The following NUP205 variants were observed in gnomAD, a reference collection of about 807,000 sequenced individuals.
NUP205 encodes nucleoporin 205.
A neutral mutation model predicts 253.8 loss-of-function variants in NUP205; 76 were observed. The ratio of observed to expected loss-of-function variants is 0.30; its 90% confidence interval spans 0.25 to 0.36. NUP205 has a LOEUF of 0.36. NUP205 is among the 10% of genes least tolerant of loss of function. The pLI, the probability that NUP205 is intolerant of heterozygous loss-of-function variation, is 1.00. For synonymous variants in NUP205, 832 were observed against 850.1 expected, an observed-to-expected ratio of 0.98 and a Z score of 0.37; for missense variants, 2,162 against 2,425.5, an observed-to-expected ratio of 0.89 and a Z score of 2.28.
chr7:135,606,213 A>G lies in NUP205; in HGVS notation c.2892A>G (p.Val964=). 6.2e-7 allele frequency: 1 copy of G among 1,609,806 alleles called. No individual in the cohort carries two copies. ...CLDCEDAEEF[V]RLEEGSELEK... is the part of the protein sequence containing the mutation. ...ATTGTGAAGATGCAGAAGAATTTGT[A>G]CGTCTGGAAGAGGGTATGCCTTAGA... Residue 964 remains valine, a synonymous_variant, in exon 20 of 43, where the codon GTA becomes GTG. Coordinates refer to ENST00000285968, the MANE Select transcript of NUP205 (RefSeq NM_015135.3).
In NUP205 at chr7:135,588,923, T is replaced by A. The variant is rs917676897; in HGVS notation, c.1473+931T>A. ...ATTGCTATGCAGTAGTTCACACCTG[T>A]AATCCCAGTGCTTTGGGAAGCTGAG... is the stretch of plus-strand genomic sequence containing the variant. On this transcript the variant is annotated intron_variant, in intron 10 of 42. Transcript: ENST00000285968. 3.3e-5 allele frequency among the ~76,000 whole-genome samples: 5 copies of A among 151,320 alleles called. No individual in the cohort carries two copies. In the Admixed American group the frequency reaches 3.3e-4, roughly 10 times the overall value.
At chr7:135,622,353 G>T (rs1467884396) in intron 30 of NUP205, among the ~76,000 whole-genome samples, 1 of 150,956 alleles carries the variant, frequency 6.6e-6, no homozygotes, top group African/African-American at 2.4e-5. Context: ...AACCTGGGAG[G>T]TGGAGGCTGC....
chr7:135,636,606 A>G (rs1794815729), intron 36 of NUP205, among the ~76,000 whole-genome samples: 1 of 152,210 alleles, frequency 6.6e-6, no homozygotes, highest in Admixed American at 6.5e-5. Context: ...CATCTATTTT[A>G]TCTGTAAGAA....
chr7:135,599,774 A>G (rs1793925399), intron 15 of NUP205, among the ~76,000 whole-genome samples: 1 of 152,018 alleles, frequency 6.6e-6, no homozygotes, highest in African/African-American at 2.4e-5. Flanking sequence ...ACTTTCCCTC[A>G]ATTTTGTGAA....
intron 22 of NUP205, 43 bp from the exon 23 acceptor site, chr7:135,614,116 C>A: frequency 8.9e-7 from 1 of 1,119,020 alleles, no homozygotes; most frequent in Non-Finnish European, 1.4e-6. Flanking sequence ...ATGTGTAACA[C>A]AGAAAGACTG....
rs145838753 is a variant in NUP205 at position 135,591,155 on chromosome 7, G to A, written c.1474-295G>A. 4.9e-3 allele frequency among the ~76,000 whole-genome samples: 747 copies of A among 152,136 alleles called. 2 individuals are homozygous for A. The highest frequency in any genetic ancestry group is 0.017 in the African/African-American group (698 of 41,430). ...TTGAATTGCTGGTTGATTTTTGGAT[G>A]AGTAAATGTCACATGTCTTATATTT... On this transcript the variant is annotated intron_variant, in intron 10 of 42. Coordinates refer to ENST00000285968, the MANE Select transcript of NUP205 (RefSeq NM_015135.3).
chr7:135,584,922 T>C lies in NUP205; in HGVS notation c.1133T>C (p.Val378Ala), dbSNP rs1358532071. 1 of 1,613,656 alleles carries C rather than the reference T, an allele frequency of 6.2e-7. No individual in the cohort carries two copies. The highest frequency in any genetic ancestry group is 8.5e-7 in the Non-Finnish European group (1 of 1,179,536). The stretch of plus-strand genomic sequence containing the variant: ...CTGTTCCTCATGGAATCTGTAGTGG[T>C]ATCAGAATACTTTTATCAGGAAGAA... ...VFLFLMESVV[V>A]SEYFYQEEFY... The change falls in exon 8 of 43, where the codon GTA becomes GCA. Residue 378 changes from valine (V) to alanine (A), a missense_variant. This residue lies in a region of NUP205 where 892 missense variants were observed against 957.1 expected (regional missense o/e 0.93). Coordinates refer to ENST00000285968, the MANE Select transcript of NUP205 (RefSeq NM_015135.3).
chr7:135,603,809 C>G (rs1030571598), intron 18 of NUP205, among the ~76,000 whole-genome samples: 1 of 152,106 alleles, frequency 6.6e-6, no homozygotes, highest in Non-Finnish European at 1.5e-5. Flanking sequence ...TGTGCCCACC[C>G]GAAATCTCTA....
rs1563134205 is a variant in NUP205, at chr7:135,625,302, C to CTCA, written c.4619_4621dup (p.Leu1540_Thr1541insIle). 6.2e-7 allele frequency: 1 copy of CTCA among 1,613,924 alleles called. No homozygotes were observed. The highest frequency in any genetic ancestry group is 1.7e-5 in the Admixed American group (1 of 59,922). ...AGATGACCGTACTTTGCAGAGCTTA[C>CTCA]TCACCCCACAGCCTCCCCTTTTAAA... On this transcript the variant is annotated inframe_insertion, in exon 32 of 43. Transcript: ENST00000285968.
intron 38 of NUP205, among the ~76,000 whole-genome samples, chr7:135,640,306 C>A (rs1008797040): frequency 1.3e-5 from 2 of 152,130 alleles, no homozygotes; most frequent in African/African-American, 4.8e-5. Context: ...TAGATAAATT[C>A]TATTATAAAA....
chr7:135,630,868 G>T (rs1794697842), intron 35 of NUP205, among the ~76,000 whole-genome samples: 1 of 152,036 alleles, frequency 6.6e-6, no homozygotes, highest in Non-Finnish European at 1.5e-5. Flanking sequence ...TGAGACTGCA[G>T]TCAGCCAAGA....
rs532013866 is a variant in NUP205, at chr7:135,564,956, A to G, written c.29-6149A>G. ...TACTTTTTAAAAATTTTTTGTAGAG[A>G]CAGGGTTTTGACATTTTGGCCAGGC... On this transcript the variant is annotated intron_variant, in intron 1 of 42. Transcript: ENST00000285968. Among the ~76,000 whole-genome samples the G allele has an allele frequency of 1.3e-3, 204 of 151,950 alleles. 1 individual carries two copies. The highest frequency in any genetic ancestry group is 4.7e-3 in the African/African-American group (195 of 41,454).
intron 35 of NUP205, 24 bp downstream of exon 35, chr7:135,630,494 T>C: frequency 6.4e-7 from 1 of 1,569,528 alleles, no homozygotes. Context: ...GTTGAAAGGA[T>C]TTTTAATAAT....
intron 7 of NUP205, among the ~76,000 whole-genome samples, chr7:135,581,871 A>G (rs79475436): frequency 0.092 from 13,940 of 152,048 alleles, 789 homozygotes; most frequent in Non-Finnish European, 0.13. Context: ...AAAAATCAAC[A>G]AAAAAACCAA....
At chr7:135,645,356 T>G in intron 40 of NUP205, 112 bp from the exon 41 acceptor site, 1 of 1,081,838 alleles carries the variant, frequency 9.2e-7, no homozygotes, top group Non-Finnish European at 1.4e-6. Context: ...AGACTGAGGC[T>G]GTGGGTACCT....
At position 135,626,003 on chromosome 7, in the gene NUP205, CTG is replaced by C. The variant is rs1202077805; in HGVS notation, c.4672-235_4672-234del. Among the ~76,000 whole-genome samples, 14 of 152,338 alleles carry C rather than the reference CTG, an allele frequency of 9.2e-5. No homozygotes were observed. In the East Asian group the frequency reaches 2.5e-3, roughly 27 times the overall value. On this transcript the variant is annotated intron_variant, in intron 32 of 42. Coordinates refer to ENST00000285968, the MANE Select transcript of NUP205 (RefSeq NM_015135.3). ...CCACATGATAATAACAGGACCCACA[CTG>C]TAAACGAATACTTGAATCATGCAAG... is the stretch of plus-strand genomic sequence containing the variant.
intron 7 of NUP205, among the ~76,000 whole-genome samples, chr7:135,584,213 A>C (rs1806395630): frequency 6.6e-6 from 1 of 152,186 alleles, no homozygotes; most frequent in Non-Finnish European, 1.5e-5. Flanking sequence ...GAGAGGGGGA[A>C]GATATAGATG....
rs1794957911 is a variant in NUP205 at position 135,643,713 on chromosome 7, A to T, written c.5559+355A>T. On this transcript the variant is annotated intron_variant, in intron 39 of 42. Transcript: ENST00000285968. ...TGTCTCTGTGCCTTCAGCATCTTCA[A>T]TATCTGTTTAGCAAATCTTTCAAAC... Among the ~76,000 whole-genome samples, 2 of 152,140 alleles carry T rather than the reference A, an allele frequency of 1.3e-5. 1 individual carries two copies. The highest frequency in any genetic ancestry group is 4.1e-4 in the South Asian group (2 of 4,828).
At position 135,622,824 on chromosome 7, in the gene NUP205, A is replaced by C; in HGVS notation, c.4378A>C (p.Ser1460Arg). ...GCTGACAGCCCCTGAAGATGTATTT[A>C]GCAAATTACAGCGAGAAAACATAGC... is the stretch of plus-strand genomic sequence containing the variant. ...ERLTAPEDVF[S>R]KLQRENIAII... is the part of the protein sequence containing the mutation. The change falls in exon 31 of 43, where the codon AGC (serine) becomes CGC (arginine). Residue 1460 changes from serine (S) to arginine (R), a missense_variant. Transcript: ENST00000285968. 6.2e-7 allele frequency: 1 copy of C among 1,614,118 alleles called. No homozygotes were observed. Among genetic ancestry groups the C allele is most frequent in the Non-Finnish European group, 8.5e-7 (1 of 1,179,984 alleles).
Sources: allele counts gnomAD v4.1 joint callset (sites outside exome capture counted in the v4.1 genomes callset), GRCh38; gene constraint gnomAD v4.1.1; regional missense constraint gnomAD v4.1.1; transcripts MANE v1.5; gene names NCBI Gene and HGNC (gene_info 2026-07-23, HGNC 2026-07-21).